Variants in PRUNE2 observed in about 807,000 individuals in gnomAD.
The protein encoded by PRUNE2 is prune homolog 2 with BCH domain.
PRUNE2 carries 164 observed loss-of-function variants against 252.0 expected under a neutral mutation model. That is an observed-to-expected ratio of 0.65 (90% confidence interval 0.57 to 0.74). The LOEUF (loss-of-function observed/expected upper bound fraction) is 0.74. Among genes scored for constraint, PRUNE2 ranks in the 30% least tolerant of loss-of-function variants. The pLI, the probability that PRUNE2 is intolerant of heterozygous loss-of-function variation, is 0.00. For synonymous variants in PRUNE2, 1,292 were observed against 1,350.2 expected, an observed-to-expected ratio of 0.96 and a Z score of 0.94; for missense variants, 3,495 against 3,711.0, an observed-to-expected ratio of 0.94 and a Z score of 1.51.
At chr9:76,820,985 AAG>A (rs578232518) in intron 6 of PRUNE2, among the ~76,000 whole-genome samples, 1 of 152,190 alleles carries the variant, frequency 6.6e-6, no homozygotes, top group African/African-American at 2.4e-5. Context: ...CAGAAAACTG[AAG>A]AGAGAGAGAA....
At chr9:76,724,692 G>A (rs535817110) in intron 6 of PRUNE2, among the ~76,000 whole-genome samples, 2 of 152,190 alleles carry the variant, frequency 1.3e-5, no homozygotes, top group African/African-American at 4.8e-5. Context: ...CTTGAATGGG[G>A]GAGTTTCACA....
chr9:76,794,412 C>T (rs1358980050), intron 6 of PRUNE2, among the ~76,000 whole-genome samples: 2 of 151,932 alleles, frequency 1.3e-5, no homozygotes, highest in African/African-American at 4.8e-5. Context: ...GTTAAGAGAT[C>T]GAGGTCATCC....
chr9:76,771,879 A>G (rs2053153499), intron 6 of PRUNE2, among the ~76,000 whole-genome samples: 1 of 152,158 alleles, frequency 6.6e-6, no homozygotes, highest in Admixed American at 6.5e-5. Context: ...AGAAAGGAAA[A>G]GCCACTCTGG....
At chr9:76,748,604 G>C (rs1350833958) in intron 6 of PRUNE2, 1 of 152,226 alleles carries the variant, frequency 6.6e-6, no homozygotes, top group African/African-American at 2.4e-5. Flanking sequence ...CCATTGGACT[G>C]TATAATTTTA....
chr9:76,875,499 G>A (rs2061426972), intron 1 of PRUNE2, among the ~76,000 whole-genome samples: 1 of 152,126 alleles, frequency 6.6e-6, no homozygotes, highest in African/African-American at 2.4e-5. Flanking sequence ...CCGAGTAGCT[G>A]GGACTACAGA....
At chr9:76,838,645 C>CAAAAAAAAAAAAAAAAAAAAAAA (rs10540002) in intron 4 of PRUNE2, among the ~76,000 whole-genome samples, 1 of 84,654 alleles carries the variant, frequency 1.2e-5, no homozygotes, top group Non-Finnish European at 2.4e-5. Context: ...AACTCTGTCT[C>CAAAAAAAAAAAAAAAAAAAAAAA]AAAAAAAAAA....
At chr9:76,653,615 C>T (rs914584257) in intron 10 of PRUNE2, among the ~76,000 whole-genome samples, 12 of 152,090 alleles carry the variant, frequency 7.9e-5, no homozygotes, top group African/African-American at 2.9e-4. Context: ...TTTGTGTTGA[C>T]TTTGCTCCTA....
intron 12 of PRUNE2, among the ~76,000 whole-genome samples, chr9:76,640,978 A>G (rs1047345035): frequency 6.6e-6 from 1 of 152,206 alleles, no homozygotes; most frequent in African/African-American, 2.4e-5. Context: ...TGAACTTCTA[A>G]GAAATTTTTT....
At chr9:76,724,340 G>A (rs991234351) in intron 6 of PRUNE2, among the ~76,000 whole-genome samples, 1 of 148,590 alleles carries the variant, frequency 6.7e-6, no homozygotes, top group African/African-American at 2.5e-5. Context: ...CAGGCATGGT[G>A]GTGCATGCCT....
At chr9:76,680,447 A>G (rs1351781758) in intron 9 of PRUNE2, among the ~76,000 whole-genome samples, 1 of 152,216 alleles carries the variant, frequency 6.6e-6, no homozygotes, top group African/African-American at 2.4e-5. Context: ...TGGTGGGAAT[A>G]TAAAATGATG....
Position 76,709,319 on chromosome 9 carries a change from A to T in PRUNE2, c.2955T>A (p.Thr985=). ...CCTCTTTAGCAAATGGCTTGTGTTC[A>T]GTTTCCTTTTCGTCTCCAGCAAATG... is the stretch of plus-strand genomic sequence containing the variant. ...SPTFAGDEKE[T]EHKPFAKEEG... Residue 985 remains threonine, a synonymous_variant, in exon 8 of 19, where the codon ACT becomes ACA. Coordinates refer to ENST00000376718, the MANE Select transcript of PRUNE2 (RefSeq NM_015225.3). The T allele has an allele frequency of 6.2e-7, 1 of 1,613,974 alleles. No individual in the cohort carries two copies. Among genetic ancestry groups the T allele is most frequent in the Non-Finnish European group, 8.5e-7 (1 of 1,179,872 alleles).
At chr9:76,661,827 G>A (rs1851558324) in intron 9 of PRUNE2, among the ~76,000 whole-genome samples, 1 of 151,622 alleles carries the variant, frequency 6.6e-6, no homozygotes, top group South Asian at 2.1e-4. Context: ...GAACAATGCA[G>A]TAATATAGCT....
intron 1 of PRUNE2, among the ~76,000 whole-genome samples, chr9:76,870,481 C>T (rs940060417): frequency 2.6e-5 from 4 of 151,774 alleles, no homozygotes; most frequent in African/African-American, 9.7e-5. Context: ...GTCAGGAGAT[C>T]GAGACCATCC....
Position 76,727,710 on chromosome 9 carries a change from CT to C in PRUNE2, c.757-13990del, listed in dbSNP as rs373565657. 6.2e-3 allele frequency among the ~76,000 whole-genome samples: 266 copies of C among 42,898 alleles called. 1 individual carries two copies. The highest frequency in any genetic ancestry group is 0.024 in the East Asian group (33 of 1,382). The allele number at this position is 42,898 out of a possible 152,430, so 28.1% of individuals were successfully genotyped here. On this transcript the variant is annotated intron_variant, in intron 6 of 18. Coordinates refer to ENST00000376718, the MANE Select transcript of PRUNE2 (RefSeq NM_015225.3). Reference sequence around the variant, plus strand: ...CCAACTTAGTTATGGGTAAACAGGGCTTTTTTTTTTTTTTTTTTTTTTGAAA... The same window carrying C: ...CCAACTTAGTTATGGGTAAACAGGGCTTTTTTTTTTTTTTTTTTTTTGAAA...
intron 1 of PRUNE2, among the ~76,000 whole-genome samples, chr9:76,864,147 T>C (rs1422321255): frequency 6.6e-6 from 1 of 152,064 alleles, no homozygotes; most frequent in Admixed American, 6.6e-5. Context: ...TGCAGCAAAA[T>C]GTATGGAGCT....
At chr9:76,827,114 T>G (rs2058388097) in intron 4 of PRUNE2, among the ~76,000 whole-genome samples, 1 of 152,184 alleles carries the variant, frequency 6.6e-6, no homozygotes, top group African/African-American at 2.4e-5. Flanking sequence ...TCAGCCTTAT[T>G]TCCTTTAAAG....
intron 1 of PRUNE2, among the ~76,000 whole-genome samples, chr9:76,896,854 G>A (rs2062853634): frequency 6.6e-6 from 1 of 152,166 alleles, no homozygotes; most frequent in Non-Finnish European, 1.5e-5. Flanking sequence ...AATAACCTTG[G>A]TGGCAAATAA....
chr9:76,727,347 T>C (rs2048185313), intron 6 of PRUNE2, among the ~76,000 whole-genome samples: 1 of 152,224 alleles, frequency 6.6e-6, no homozygotes, highest in South Asian at 2.1e-4. Flanking sequence ...CTGCCTGGTT[T>C]AACAGGCAGG....
At chr9:76,762,216 A>G (rs1231442995) in intron 6 of PRUNE2, among the ~76,000 whole-genome samples, 1 of 152,350 alleles carries the variant, frequency 6.6e-6, no homozygotes, top group South Asian at 2.1e-4. Context: ...TGAGTTCTAC[A>G]ACAACCATTA....
Sources: gnomAD v4.1 joint callset for allele counts (sites outside exome capture counted in the v4.1 genomes callset) on GRCh38, gnomAD v4.1.1 for gene constraint, MANE v1.5 for transcripts, NCBI Gene and HGNC (gene_info 2026-07-23, HGNC 2026-07-21) for gene names.